C3orf33: variants seen among roughly 807,000 people sequenced by gnomAD.
C3orf33 encodes AP-1 activity suppressor.
Under a neutral mutation model 28.7 loss-of-function variants are expected in C3orf33, and 23 were observed. The observed-to-expected ratio is 0.80, with a 90% CI of 0.58 to 1.13. The LOEUF (loss-of-function observed/expected upper bound fraction) is 1.13, where lower values mean the gene tolerates loss of function less well. C3orf33 is among the 50% of genes most tolerant of loss of function. C3orf33 has a pLI of 0.00. For missense variants in C3orf33, 327 were observed against 353.4 expected, an observed-to-expected ratio of 0.93 and a Z score of 0.60; for synonymous variants, 119 against 120.5, an observed-to-expected ratio of 0.99 and a Z score of 0.08.
At position 155,767,659 on chromosome 3, in the gene C3orf33, A is replaced by G; in HGVS notation, c.333T>C (p.Arg111=). The change falls in exon 4 of 5, where the codon CGT becomes CGC. Residue 111 remains arginine, a synonymous_variant. Transcript: ENST00000340171. Reference sequence around the variant, plus strand: ...CAGCCAACTTAACCAGCAAAGCACCACGTGGCTCTTCTAAAAAGGTTAGGT... The same window carrying G: ...CAGCCAACTTAACCAGCAAAGCACCGCGTGGCTCTTCTAAAAAGGTTAGGT... ...PIIASLRKEP[R]GALLVKLAGV... 1.9e-6 allele frequency: 3 copies of G among 1,554,814 alleles called. No homozygotes were observed. The highest frequency in any genetic ancestry group is 2.6e-6 in the Non-Finnish European group (3 of 1,145,534).
rs1329402938 is a variant in C3orf33, at chr3:155,763,607, A to G, written c.795T>C (p.Tyr265=). Residue 265 remains tyrosine (Y), a synonymous_variant, in exon 5 of 5, where the codon TAT becomes TAC. Coordinates refer to ENST00000340171, the MANE Select transcript of C3orf33 (RefSeq NM_001308229.2). ...TGTTCATGTTGTCTTTCCATATTTC[A>G]TAAGTCCTTTTAAGTTTTTCATAAT... ...ESYYEKLKRT[Y]EIWKDNMNNC... is the part of the protein sequence containing the mutation. The G allele has an allele frequency of 3.3e-5, 53 of 1,591,450 alleles. No individual in the cohort carries two copies. Among genetic ancestry groups the G allele is most frequent in the Non-Finnish European group, 4.5e-5 (53 of 1,174,342 alleles).
chr3:155,803,564 C>CAAAAAA (rs63676264), intron 1 of C3orf33, among the ~76,000 whole-genome samples: 43 of 53,498 alleles, frequency 8.0e-4, no homozygotes, highest in Admixed American at 1.2e-3. Context: ...GACTCAGTCT[C>CAAAAAA]AAAAAAAAAA....
At chr3:155,791,014 C>T (rs749254202) in intron 2 of C3orf33, among the ~76,000 whole-genome samples, 18 of 152,184 alleles carry the variant, frequency 1.2e-4, no homozygotes, top group Non-Finnish European at 2.2e-4. Context: ...TGTGCCCCAC[C>T]TCTCTCCTAA....
intron 2 of C3orf33, among the ~76,000 whole-genome samples, chr3:155,786,912 T>A (rs1399950003): frequency 6.6e-6 from 1 of 152,126 alleles, no homozygotes; most frequent in African/African-American, 2.4e-5. Context: ...ACTAAAACTG[T>A]TAAGAAAGTT....
chr3:155,763,558 T>C lies in C3orf33; in HGVS notation c.844A>G (p.Arg282Gly). Residue 282 changes from arginine (R) to glycine (G), a missense_variant, in exon 5 of 5, where the codon AGA (arginine) becomes GGA (glycine). Arg to Gly is a moderately radical substitution (Grantham distance 125). Coordinates refer to ENST00000340171, the MANE Select transcript of C3orf33 (RefSeq NM_001308229.2). ...MNNCSLILKF[R>G]ELISRINFRR... Reference sequence around the variant, plus strand: ...AAGTTTATGCGACTTATAAGTTCTCTGAACTTCAGTATTAAGGAGCAGTTG... The same window carrying C: ...AAGTTTATGCGACTTATAAGTTCTCCGAACTTCAGTATTAAGGAGCAGTTG... 6.5e-7 allele frequency: 1 copy of C among 1,544,600 alleles called. No homozygotes were observed. Among genetic ancestry groups the C allele is most frequent in the Non-Finnish European group, 8.7e-7 (1 of 1,155,918 alleles).
intron 4 of C3orf33, among the ~76,000 whole-genome samples, chr3:155,765,711 C>A (rs1194682873): frequency 5.9e-5 from 9 of 151,960 alleles, no homozygotes; most frequent in Non-Finnish European, 1.0e-4. Context: ...CCATGCCCAG[C>A]TTATTTTTGT....
intron 2 of C3orf33, among the ~76,000 whole-genome samples, chr3:155,793,403 G>A (rs1161313209): frequency 1.3e-5 from 2 of 151,296 alleles, no homozygotes; most frequent in Admixed American, 6.6e-5. Context: ...AAAAACGGAT[G>A]TTAATGAGCA....
intron 2 of C3orf33, among the ~76,000 whole-genome samples, chr3:155,781,820 G>T (rs1433215487): frequency 6.7e-6 from 1 of 148,966 alleles, no homozygotes; most frequent in Non-Finnish European, 1.5e-5. Flanking sequence ...GCTCATGCCT[G>T]TAATCCCAGC....
chr3:155,787,059 T>C (rs1405251355), intron 2 of C3orf33, among the ~76,000 whole-genome samples: 2 of 152,182 alleles, frequency 1.3e-5, no homozygotes, highest in Non-Finnish European at 2.9e-5. Flanking sequence ...GAGAAGAGAA[T>C]ACTTCCTAAC....
chr3:155,769,155 A>T (rs1202013122), intron 3 of C3orf33, among the ~76,000 whole-genome samples: 1 of 152,092 alleles, frequency 6.6e-6, no homozygotes, highest in Non-Finnish European at 1.5e-5. Context: ...TCTACTAAAA[A>T]TACGAAATTA....
At chr3:155,806,048 C>T (rs1010671357) in intron 1 of C3orf33, 91 bp downstream of exon 1, 5 of 872,486 alleles carry the variant, frequency 5.7e-6, no homozygotes, top group East Asian at 3.1e-5. Flanking sequence ...CCGGCCCCGG[C>T]GGGATCCACG....
intron 2 of C3orf33, among the ~76,000 whole-genome samples, chr3:155,779,537 C>A (rs1469014324): frequency 6.6e-6 from 1 of 152,128 alleles, no homozygotes; most frequent in Non-Finnish European, 1.5e-5. Flanking sequence ...TCATGTGATC[C>A]GCCTGCCTCA....
intron 3 of C3orf33, among the ~76,000 whole-genome samples, chr3:155,770,606 A>G (rs1445846774): frequency 6.6e-6 from 1 of 152,252 alleles, no homozygotes. Context: ...AATATGATCA[A>G]CAAGAATTTA....
intron 2 of C3orf33, among the ~76,000 whole-genome samples, chr3:155,787,666 T>C (rs1751168216): frequency 6.6e-6 from 1 of 151,446 alleles, no homozygotes; most frequent in Admixed American, 6.6e-5. Context: ...GCCCAGCTAA[T>C]TTGTTTTATC....
At chr3:155,803,114 G>A (rs1038108509) in intron 1 of C3orf33, among the ~76,000 whole-genome samples, 21 of 152,048 alleles carry the variant, frequency 1.4e-4, no homozygotes, top group Admixed American at 9.8e-4. Context: ...GGCAGATGTG[G>A]GTAAATGGCT....
intron 2 of C3orf33, 69 bp from the exon 3 acceptor site, chr3:155,775,917 A>G (rs1750733946): frequency 1.7e-6 from 2 of 1,195,300 alleles, no homozygotes; most frequent in East Asian, 4.9e-5. Context: ...AAAATGTCAA[A>G]TTATCAAAAC....
intron 3 of C3orf33, among the ~76,000 whole-genome samples, chr3:155,772,032 C>T (rs373287565): frequency 1.3e-5 from 2 of 151,844 alleles, no homozygotes; most frequent in African/African-American, 4.8e-5. Context: ...AGCAAGACCC[C>T]CTTTCTACAA....
intron 3 of C3orf33, among the ~76,000 whole-genome samples, chr3:155,771,017 CTGTGTGTGTGTGTGTGTGTGTGTG>C (rs71138678): frequency 5.5e-5 from 6 of 109,660 alleles, no homozygotes; most frequent in Non-Finnish European, 8.9e-5. Flanking sequence ...TGCTCTGCCA[CTGTGTGTGTGTGTGTGTGTGTGTG>C]TGTGTGTGTG....
At chr3:155,804,865 GT>G (rs1477033132) in intron 1 of C3orf33, among the ~76,000 whole-genome samples, 1 of 152,134 alleles carries the variant, frequency 6.6e-6, no homozygotes, top group Non-Finnish European at 1.5e-5. Flanking sequence ...CCCATATCCA[GT>G]TGCCAAGGAC....
Sources: gnomAD v4.1 joint callset for allele counts (sites outside exome capture counted in the v4.1 genomes callset) on GRCh38, gnomAD v4.1.1 for gene constraint, MANE v1.5 for transcripts, NCBI Gene and HGNC (gene_info 2026-07-23, HGNC 2026-07-21) for gene names.